TTC6: variants seen among roughly 807,000 people sequenced by gnomAD.
TTC6 encodes the protein tetratricopeptide repeat domain 6.
TTC6 carries 172 observed loss-of-function variants against 210.4 expected under a neutral mutation model. That is an observed-to-expected ratio of 0.82 (90% CI 0.72 to 0.93). The LOEUF is 0.93. Among genes scored for constraint, TTC6 ranks in the 40% least tolerant of loss-of-function variants. TTC6 has a pLI of 0.00. For missense variants in TTC6, 2,414 were observed against 2,318.1 expected (o/e 1.04, Z -0.85); for synonymous variants, 804 against 819.6 (o/e 0.98, Z 0.32).
At chr14:37,812,163 A>T in intron 24 of TTC6, 151 bp from the exon 27 acceptor site, 1 of 761,268 alleles carries the variant, frequency 1.3e-6, no homozygotes, top group Non-Finnish European at 2.0e-6. Context: ...GGTACCCTTT[A>T]AATCTAACAT....
At chr14:37,777,147 A>G (rs2096040196) in intron 14 of TTC6, among the ~76,000 whole-genome samples, 1 of 152,174 alleles carries the variant, frequency 6.6e-6, no homozygotes, top group Non-Finnish European at 1.5e-5. Flanking sequence ...TGGCCTTTCT[A>G]GCAAAGTTGG....
chr14:37,761,201 G>A (rs939301165), intron 14 of TTC6, among the ~76,000 whole-genome samples: 16 of 152,202 alleles, frequency 1.1e-4, no homozygotes, highest in African/African-American at 3.9e-4. Flanking sequence ...GAAAAGTGTA[G>A]TATCTAGGCT....
chr14:37,626,388 C>A (rs1040148244), intron 1 of TTC6, among the ~76,000 whole-genome samples: 1 of 152,058 alleles, frequency 6.6e-6, no homozygotes, highest in African/African-American at 2.4e-5. Flanking sequence ...TTAATATGAC[C>A]TAGATAAGAG....
intron 2 of TTC6, among the ~76,000 whole-genome samples, chr14:37,610,083 A>G (rs1027757921): frequency 6.6e-6 from 1 of 152,222 alleles, no homozygotes; most frequent in Non-Finnish European, 1.5e-5. Context: ...ATGAGCATGC[A>G]GAAACCCAGA....
Position 37,670,474 on chromosome 14 carries a change from C to CTT in TTC6, c.940-9657_940-9656dup, listed in dbSNP as rs66725764. On this transcript the variant is annotated intron_variant, in intron 1 of 30. Transcript: ENST00000553443. ...TAAGGATCTAGCACAAACTACCTCA[C>CTT]TTTTTTTTTTTTTTTTTTTTTAGTC... Among the ~76,000 whole-genome samples the CTT allele has an allele frequency of 2.0e-3, 238 of 121,316 alleles. 7 individuals are homozygous for CTT. Among genetic ancestry groups the CTT allele is most frequent in the South Asian group, 0.012 (43 of 3,492 alleles). 79.6% of individuals were successfully genotyped at this position (121,316 alleles called of 152,430 possible). A position where few individuals can be genotyped will look rare whatever the true frequency, so the allele number is the denominator to read the frequency against.
intron 1 of TTC6, among the ~76,000 whole-genome samples, chr14:37,602,364 T>C (rs961851321): frequency 6.6e-6 from 1 of 152,252 alleles, no homozygotes; most frequent in African/African-American, 2.4e-5. Context: ...CCATGTGTAA[T>C]GTAATGATTT....
chr14:37,598,055 A>T lies in TTC6; in HGVS notation c.-235+2047A>T, dbSNP rs187621284. 8.2e-4 allele frequency among the ~76,000 whole-genome samples: 125 copies of T among 152,276 alleles called. No individual in the cohort carries two copies. Among genetic ancestry groups the T allele is most frequent in the African/African-American group, 2.9e-3 (119 of 41,546 alleles). On this transcript the variant is annotated intron_variant, in intron 1 of 2. Coordinates refer to the TTC6 transcript ENST00000556845. This position sits in a 1 kb window ranked among gnomAD's most constrained non-coding sequence, Gnocchi z 4.9. Reference sequence around the variant, plus strand: ...CTTGGAAATGCATACATACATACATAAAGTAATGCTGCTGTCTGGGAGTTG... The same window carrying T: ...CTTGGAAATGCATACATACATACATTAAGTAATGCTGCTGTCTGGGAGTTG...
At chr14:37,818,424 AT>A (rs1209492019) in intron 26 of TTC6, among the ~76,000 whole-genome samples, 1 of 152,130 alleles carries the variant, frequency 6.6e-6, no homozygotes, top group Non-Finnish European at 1.5e-5. Flanking sequence ...TTAATTTGTG[AT>A]GAAATGTATT....
chr14:37,782,304 G>C (rs1566950653), intron 14 of TTC6, among the ~76,000 whole-genome samples: 2 of 152,072 alleles, frequency 1.3e-5, no homozygotes, highest in African/African-American at 4.8e-5. Flanking sequence ...TTATTTCATT[G>C]AACAGTGGTT....
At chr14:37,622,962 A>T (rs2095654328) in exon 1 of TTC6, 2 of 1,512,074 alleles carry the variant, frequency 1.3e-6, no homozygotes, top group Non-Finnish European at 1.8e-6. Flanking sequence ...CAAAGAGCTC[A>T]TACGGAGCGT....
At chr14:37,741,644 G>A (rs2095920175) in intron 10 of TTC6, among the ~76,000 whole-genome samples, 1 of 152,098 alleles carries the variant, frequency 6.6e-6, no homozygotes, top group African/African-American at 2.4e-5. Flanking sequence ...ACCATTTTAT[G>A]TCCAACCATA....
exon 3 of TTC6, chr14:37,682,847 C>T: frequency 2.6e-6 from 4 of 1,535,644 alleles, no homozygotes; most frequent in Non-Finnish European, 3.5e-6. Context: ...AAGCAGAAAG[C>T]ATAGTATTTA....
intron 14 of TTC6, among the ~76,000 whole-genome samples, chr14:37,759,002 G>A (rs192424649): frequency 1.3e-5 from 2 of 152,054 alleles, no homozygotes; most frequent in East Asian, 1.9e-4. Flanking sequence ...GCTGGGTGTG[G>A]TGGCTCACGC....
chr14:37,661,549 A>G (rs2095737420), intron 1 of TTC6, among the ~76,000 whole-genome samples: 1 of 152,182 alleles, frequency 6.6e-6, no homozygotes, highest in South Asian at 2.1e-4. Flanking sequence ...TTGTACCAGT[A>G]CCATGCTGTT....
chr14:37,622,402 G>T lies in TTC6; in HGVS notation c.338G>T (p.Arg113Leu), dbSNP rs866945378. 16 of 1,534,046 alleles carry T rather than the reference G, an allele frequency of 1.0e-5. 1 individual carries two copies. The African/African-American group carries it at 1.5e-4, about 14-fold the overall frequency. The change falls in exon 1 of 31, where the codon CGG becomes CTG. Residue 113 changes from arginine to leucine, a missense_variant. Coordinates refer to ENST00000553443, the Ensembl canonical transcript of TTC6. Reference sequence around the variant, plus strand: ...GAGGCGGCGGCTCCAGGCAAGACCCGGTCGTTTCGCCCCCGGGACTTTTAC... The same window carrying T: ...GAGGCGGCGGCTCCAGGCAAGACCCTGTCGTTTCGCCCCCGGGACTTTTAC...
At chr14:37,736,933 T>A (rs944359632) in intron 8 of TTC6, among the ~76,000 whole-genome samples, 1 of 152,050 alleles carries the variant, frequency 6.6e-6, no homozygotes, top group Admixed American at 6.6e-5. Context: ...TTATTTTTTA[T>A]TTTTTTAGAA....
At chr14:37,768,571 T>TGGG (rs2096006914) in intron 14 of TTC6, among the ~76,000 whole-genome samples, 1 of 152,098 alleles carries the variant, frequency 6.6e-6, no homozygotes, top group African/African-American at 2.4e-5. Flanking sequence ...CAATTGTGAA[T>TGGG]GGGAGTTCAC....
At chr14:37,634,674 C>G (rs1389420796) in intron 1 of TTC6, among the ~76,000 whole-genome samples, 1 of 152,070 alleles carries the variant, frequency 6.6e-6, no homozygotes, top group Non-Finnish European at 1.5e-5. Context: ...ACACTAAAAT[C>G]CATAATAGTA....
At chr14:37,776,508 G>T (rs1021532607) in intron 14 of TTC6, among the ~76,000 whole-genome samples, 4 of 152,134 alleles carry the variant, frequency 2.6e-5, no homozygotes, top group Non-Finnish European at 2.9e-5. Context: ...TGTAAGGCAG[G>T]TCTGGTGGTA....
Sources: gnomAD v4.1 joint callset for allele counts (sites outside exome capture counted in the v4.1 genomes callset) on GRCh38, gnomAD v4.1.1 for gene constraint, Gnocchi (gnomAD v3.1) non-coding constraint, MANE v1.5 for transcripts, NCBI Gene and HGNC (gene_info 2026-07-23, HGNC 2026-07-21) for gene names.